DTWD2: variants seen among roughly 807,000 people sequenced by gnomAD.
DTWD2 encodes the protein tRNA-uridine aminocarboxypropyltransferase 2.
Under a neutral mutation model 31.8 loss-of-function variants are expected in DTWD2, and 39 were observed. The observed-to-expected ratio is 1.22, with a 90% CI of 0.95 to 1.60. The LOEUF (loss-of-function observed/expected upper bound fraction) is 1.60, where lower values mean the gene tolerates loss of function less well. Ranked by LOEUF, DTWD2 falls within the 40% of genes most tolerant of loss-of-function variation. The pLI is 0.00. For missense variants in DTWD2, 515 were observed against 381.5 expected (o/e 1.35, Z -2.92); for synonymous variants, 180 against 142.8 (o/e 1.26, Z -1.86).
In DTWD2 at chr5:118,934,756, ATAAACTCCCCAAT is replaced by A. The variant is rs546080003; in HGVS notation, c.404+4427_404+4439del. ...CAATAACTACATCCAGGAAAATGAA[ATAAACTCCCCAAT>A]TAAACAACAGAGATTGTTAGATTAA... On this transcript the variant is annotated intron_variant, in intron 3 of 5. Transcript: ENST00000510708. 2.5e-4 allele frequency among the ~76,000 whole-genome samples: 38 copies of A among 152,332 alleles called. 1 individual carries two copies. In the East Asian group the frequency reaches 5.6e-3, roughly 22 times the overall value.
intron 1 of DTWD2, among the ~76,000 whole-genome samples, chr5:118,960,769 C>T (rs1156356710): frequency 6.6e-6 from 1 of 151,990 alleles, no homozygotes; most frequent in Non-Finnish European, 1.5e-5. Context: ...AAAATCATGT[C>T]CTTTAGAGCA....
At chr5:118,908,653 C>G (rs1271581521) in intron 4 of DTWD2, among the ~76,000 whole-genome samples, 1 of 148,488 alleles carries the variant, frequency 6.7e-6, no homozygotes, top group Non-Finnish European at 1.5e-5. Flanking sequence ...CCACCACCAC[C>G]ACCAAAAAAA....
At chr5:118,960,798 T>C (rs1754688268) in intron 1 of DTWD2, among the ~76,000 whole-genome samples, 4 of 151,976 alleles carry the variant, frequency 2.6e-5, no homozygotes, top group Admixed American at 2.0e-4. Flanking sequence ...CTGGAGGCCA[T>C]TATCCTAAGT....
At chr5:118,982,832 G>A (rs1189092942) in intron 1 of DTWD2, among the ~76,000 whole-genome samples, 1 of 151,676 alleles carries the variant, frequency 6.6e-6, no homozygotes, top group African/African-American at 2.4e-5. Flanking sequence ...GGGATTACAG[G>A]CACTCACCAC....
chr5:118,881,373 G>GA (rs1262467002), intron 4 of DTWD2, among the ~76,000 whole-genome samples: 2 of 152,164 alleles, frequency 1.3e-5, no homozygotes, highest in African/African-American at 2.4e-5. Context: ...TTGAGTATTT[G>GA]AAAAGTTCAT....
chr5:118,931,436 A>G (rs1180656843), intron 3 of DTWD2, among the ~76,000 whole-genome samples: 1 of 151,902 alleles, frequency 6.6e-6, no homozygotes, highest in Non-Finnish European at 1.5e-5. Flanking sequence ...GCAGTCTGCA[A>G]TAGCTATATA....
chr5:118,909,374 A>G (rs1190125014), intron 4 of DTWD2, among the ~76,000 whole-genome samples: 3 of 152,218 alleles, frequency 2.0e-5, no homozygotes, highest in Non-Finnish European at 4.4e-5. Flanking sequence ...TGCTTTGCAG[A>G]GGACTCAAGA....
chr5:118,988,285 C>G lies in DTWD2; in HGVS notation c.218+9G>C, dbSNP rs767316960. The G allele has an allele frequency of 9.7e-5, 148 of 1,524,384 alleles. 1 individual carries two copies. The African/African-American group carries it at 1.7e-3, about 18-fold the overall frequency. The allele number at this position is 1,524,384 out of a possible 1,614,324, so 94.4% of individuals were successfully genotyped here. A position where few individuals can be genotyped will look rare whatever the true frequency, so the allele number is the denominator to read the frequency against. ...CGGCTGCAGTCCCCGCCCCCAGCCC[C>G]GCGGTCACCTGCAGCGGGTGCACTC... On this transcript the variant is annotated intron_variant, in intron 1 of 5. Coordinates refer to ENST00000510708, the MANE Select transcript of DTWD2 (RefSeq NM_173666.4).
At chr5:118,856,734 T>C (rs1009831341) in intron 4 of DTWD2, among the ~76,000 whole-genome samples, 1 of 151,152 alleles carries the variant, frequency 6.6e-6, no homozygotes, top group Non-Finnish European at 1.5e-5. Flanking sequence ...AGCTATTTTA[T>C]ATCCTTTACC....
chr5:118,871,192 G>A (rs1752496631), intron 4 of DTWD2, among the ~76,000 whole-genome samples: 1 of 152,046 alleles, frequency 6.6e-6, no homozygotes, highest in Non-Finnish European at 1.5e-5. Flanking sequence ...TGCATCTTTA[G>A]GTTCCACTTC....
At position 118,914,463 on chromosome 5, in the gene DTWD2, C is replaced by T. The variant is rs114701829; in HGVS notation, c.597+14074G>A. ...TTACAACAGCACAAACCAACCAAGA[C>T]ACACCCATATCAATTATATTATTTA... On this transcript the variant is annotated intron_variant, in intron 4 of 5. Transcript: ENST00000510708. Among the ~76,000 whole-genome samples the T allele has an allele frequency of 3.0e-3, 450 of 152,248 alleles. 2 individuals carry two copies. The highest frequency in any genetic ancestry group is 0.01 in the African/African-American group (430 of 41,544).
intron 1 of DTWD2, among the ~76,000 whole-genome samples, chr5:118,950,968 T>C (rs1250907402): frequency 2.0e-5 from 3 of 152,296 alleles, no homozygotes; most frequent in African/African-American, 7.2e-5. Flanking sequence ...GACGGCCTTC[T>C]GGCCTTTCTG....
At chr5:118,954,785 T>G (rs1418866017) in intron 1 of DTWD2, among the ~76,000 whole-genome samples, 1 of 152,206 alleles carries the variant, frequency 6.6e-6, no homozygotes, top group East Asian at 1.9e-4. Flanking sequence ...CCTCCCAAAG[T>G]GCTGAAGTTA....
chr5:118,949,728 A>G (rs1359580368), intron 1 of DTWD2, among the ~76,000 whole-genome samples: 1 of 152,116 alleles, frequency 6.6e-6, no homozygotes, highest in African/African-American at 2.4e-5. Flanking sequence ...GGTGTCTCAT[A>G]CTTGTGGATT....
intron 1 of DTWD2, among the ~76,000 whole-genome samples, chr5:118,975,601 G>A (rs1220896172): frequency 6.6e-6 from 1 of 152,140 alleles, no homozygotes; most frequent in African/African-American, 2.4e-5. Context: ...TGGAGGACAA[G>A]AGGCATTCTG....
intron 1 of DTWD2, among the ~76,000 whole-genome samples, chr5:118,971,758 C>G (rs1278223243): frequency 1.3e-5 from 2 of 152,136 alleles, no homozygotes; most frequent in Non-Finnish European, 2.9e-5. Context: ...TGCAAAAGAA[C>G]TGAAATGATA....
chr5:118,972,460 G>C (rs538140974), intron 1 of DTWD2, among the ~76,000 whole-genome samples: 31 of 152,282 alleles, frequency 2.0e-4, no homozygotes, highest in Admixed American at 1.6e-3. Flanking sequence ...AATGAGTTCT[G>C]AAACCAAGGC....
At chr5:118,913,564 C>A (rs1753508402) in intron 4 of DTWD2, among the ~76,000 whole-genome samples, 6 of 151,632 alleles carry the variant, frequency 4.0e-5, no homozygotes, top group Admixed American at 3.9e-4. Flanking sequence ...CTGTATTTCA[C>A]TTGTCACAAG....
At chr5:118,963,371 A>ATTT (rs1309479712) in intron 1 of DTWD2, among the ~76,000 whole-genome samples, 2 of 152,184 alleles carry the variant, frequency 1.3e-5, no homozygotes, top group Non-Finnish European at 2.9e-5. Flanking sequence ...AACAGAACAA[A>ATTT]GGCATGGAGC....
Sources: allele counts gnomAD v4.1 joint callset (sites outside exome capture counted in the v4.1 genomes callset), GRCh38; gene constraint gnomAD v4.1.1; transcripts MANE v1.5; gene names NCBI Gene and HGNC (gene_info 2026-07-23, HGNC 2026-07-21).